Variants in PCDHGA1 observed in about 807,000 individuals in gnomAD.
The protein encoded by PCDHGA1 is protocadherin gamma subfamily A, 1, also known as protocadherin gamma-A1.
In PCDHGA1, 32 loss-of-function variants were observed where a neutral mutation model predicts 58.0. That is an observed-to-expected ratio of 0.55 (90% CI 0.42 to 0.74). The LOEUF (loss-of-function observed/expected upper bound fraction) is 0.74. Ranked by LOEUF, PCDHGA1 falls within the 30% of genes least tolerant of loss-of-function variation. The probability of loss-of-function intolerance (pLI) is 0.00; values close to 1 mark genes in which losing one functional copy is unlikely to be tolerated. For synonymous variants in PCDHGA1, 498 were observed against 501.1 expected (o/e 0.99, Z 0.08); for missense variants, 1,205 against 1,182.3 (o/e 1.02, Z -0.28).
chr5:141,476,725 C>G lies in PCDHGA1; in HGVS notation c.2422-18082C>G. On this transcript the variant is annotated intron_variant, in intron 1 of 3. Coordinates refer to ENST00000517417, the MANE Select transcript of PCDHGA1 (RefSeq NM_018912.3). This position sits in a 1 kb window ranked among gnomAD's most constrained non-coding sequence, Gnocchi z 7.6. ...AGCTGGTGTTGGAGCGCGCCCTGGA[C>G]CGAGAACGGGAGCCTAGTCTCCAGT... The G allele has an allele frequency of 6.2e-7, 1 of 1,614,132 alleles. No homozygotes were observed. Among genetic ancestry groups the G allele is most frequent in the Non-Finnish European group, 8.5e-7 (1 of 1,180,038 alleles).
chr5:141,369,156 A>C lies in PCDHGA1; in HGVS notation c.2421+36051A>C, dbSNP rs534244995. ...CATGGAAAATGGCATGTTATTGACC[A>C]GGGAAAAGTGTAAATAACAAAAAGT... On this transcript the variant is annotated intron_variant, in intron 1 of 3. Coordinates refer to ENST00000517417, the MANE Select transcript of PCDHGA1 (RefSeq NM_018912.3). Among the ~76,000 whole-genome samples the C allele has an allele frequency of 1.4e-3, 215 of 152,354 alleles. 2 individuals carry two copies. Among genetic ancestry groups the C allele is most frequent in the Non-Finnish European group, 4.6e-4 (31 of 68,032 alleles).
rs1229317913 is a variant in PCDHGA1 at position 141,489,752 on chromosome 5, C to T, written c.2422-5055C>T. ...GGCACCAATACTGTGAGCTTTTACACTCTAAGCCCCAACAGCCACTTCTCT... is the reference window on the plus strand; with the variant it reads ...GGCACCAATACTGTGAGCTTTTACATTCTAAGCCCCAACAGCCACTTCTCT... On this transcript the variant is annotated intron_variant, in intron 1 of 3. Transcript: ENST00000517417. The surrounding 1 kb of genome is among the most constrained non-coding windows in gnomAD (Gnocchi z 4.5). 1.2e-6 allele frequency: 2 copies of T among 1,614,018 alleles called. No individual in the cohort carries two copies. Among genetic ancestry groups the T allele is most frequent in the Non-Finnish European group, 1.7e-6 (2 of 1,179,980 alleles).
intron 1 of PCDHGA1, chr5:141,350,286 T>G: frequency 6.6e-7 from 1 of 1,510,806 alleles, no homozygotes; most frequent in Non-Finnish European, 8.8e-7. Flanking sequence ...GAAGCCGAAA[T>G]GATGAAAAGT....
At chr5:141,425,248 G>GGCTGGGAAA (rs2096864506) in intron 1 of PCDHGA1, among the ~76,000 whole-genome samples, 1 of 152,178 alleles carries the variant, frequency 6.6e-6, no homozygotes, top group Non-Finnish European at 1.5e-5. Context: ...AAAAGGATAT[G>GGCTGGGAAA]AGGTATTTGG....
intron 1 of PCDHGA1, chr5:141,366,221 G>A (rs774963460): frequency 2.5e-6 from 4 of 1,613,834 alleles, no homozygotes; most frequent in Non-Finnish European, 3.4e-6. Flanking sequence ...CACAGCGCGA[G>A]CCCTGCTGGA....
At chr5:141,417,897 C>T (rs2096182334) in intron 1 of PCDHGA1, 1 of 1,578,084 alleles carries the variant, frequency 6.3e-7, no homozygotes, top group African/African-American at 1.4e-5. Context: ...CGGGCCGGCC[C>T]GCGGCAGGTA....
Position 141,337,712 on chromosome 5 carries a change from C to A in PCDHGA1, c.2421+4607C>A, listed in dbSNP as rs147033964. 4.0e-3 allele frequency among the ~76,000 whole-genome samples: 610 copies of A among 152,166 alleles called. 5 individuals are homozygous for A. Among genetic ancestry groups the A allele is most frequent in the Admixed American group, 0.011 (169 of 15,286 alleles). On this transcript the variant is annotated intron_variant, in intron 1 of 3. Coordinates refer to ENST00000517417, the MANE Select transcript of PCDHGA1 (RefSeq NM_018912.3). ...GAAGTGGATGGTGGTAATGGTCACA[C>A]CAGAATGTAATTTGAATGTACTTAA...
At chr5:141,399,511 C>A (rs1252813422) in intron 1 of PCDHGA1, 1 of 1,613,924 alleles carries the variant, frequency 6.2e-7, no homozygotes, top group African/African-American at 1.3e-5. Flanking sequence ...CGAAAACAAC[C>A]CTCCTGGGGC....
intron 1 of PCDHGA1, among the ~76,000 whole-genome samples, chr5:141,494,496 T>A (rs147870810): frequency 2.9e-3 from 442 of 152,264 alleles, no homozygotes; most frequent in Non-Finnish European, 4.9e-3. Flanking sequence ...ATGCCTTCAG[T>A]CCTTGAATTT....
At chr5:141,404,524 G>C (rs368795324) in intron 1 of PCDHGA1, 3 of 1,613,938 alleles carry the variant, frequency 1.9e-6, no homozygotes, top group Non-Finnish European at 2.5e-6. Context: ...ACTATGAGCA[G>C]TTTAGAGATT....
chr5:141,485,093 T>C lies in PCDHGA1; in HGVS notation c.2422-9714T>C. 1 of 1,076,296 alleles carries C rather than the reference T, an allele frequency of 9.3e-7. No homozygotes were observed. Among genetic ancestry groups the C allele is most frequent in the Non-Finnish European group, 1.4e-6 (1 of 718,118 alleles). 66.7% of individuals were successfully genotyped at this position (1,076,296 alleles called of 1,614,324 possible). ...TGGCGCGGGGAAAGGGAGATAGGTG[T>C]CTCCAGCTGCTGTGGCTGTTTGGGG... On this transcript the variant is annotated intron_variant, in intron 1 of 3. Coordinates refer to ENST00000517417, the MANE Select transcript of PCDHGA1 (RefSeq NM_018912.3). The surrounding 1 kb of genome is among the most constrained non-coding windows in gnomAD (Gnocchi z 5.7).
At chr5:141,470,236 T>C (rs1232874196) in intron 1 of PCDHGA1, among the ~76,000 whole-genome samples, 1 of 152,210 alleles carries the variant, frequency 6.6e-6, no homozygotes, top group African/African-American at 2.4e-5. Context: ...ACCAAACCCT[T>C]GAATGTCCCA....
Position 141,431,915 on chromosome 5 carries a change from A to G in PCDHGA1, c.2422-62892A>G. 1 of 1,614,040 alleles carries G rather than the reference A, an allele frequency of 6.2e-7. No homozygotes were observed. The highest frequency in any genetic ancestry group is 8.5e-7 in the Non-Finnish European group (1 of 1,179,854). On this transcript the variant is annotated intron_variant, in intron 1 of 3. Coordinates refer to ENST00000517417, the MANE Select transcript of PCDHGA1 (RefSeq NM_018912.3). The surrounding 1 kb of genome is among the most constrained non-coding windows in gnomAD (Gnocchi z 4.8). ...GGAAAACGGACAGGTGATCTGTTTC[A>G]TCCAAGGAAATCTGCCCTTTAAATT...
In PCDHGA1 at chr5:141,493,755, A is replaced by C. The variant is rs1364524112; in HGVS notation, c.2422-1052A>C. Among the ~76,000 whole-genome samples, 1 of 152,148 alleles carries C rather than the reference A, an allele frequency of 6.6e-6. No homozygotes were observed. The highest frequency in any genetic ancestry group is 2.4e-5 in the African/African-American group (1 of 41,440). On this transcript the variant is annotated intron_variant, in intron 1 of 3. Coordinates refer to ENST00000517417, the MANE Select transcript of PCDHGA1 (RefSeq NM_018912.3). The surrounding 1 kb of genome is among the most constrained non-coding windows in gnomAD (Gnocchi z 4.3). ...ATATCACTGCCACCTGTGAGCCTTG[A>C]GTGAGCCACTGGCAGTTCCGGAGCT...
At chr5:141,427,856 C>T (rs1487451079) in intron 1 of PCDHGA1, 6 of 1,553,060 alleles carry the variant, frequency 3.9e-6, no homozygotes, top group Non-Finnish European at 5.3e-6. Flanking sequence ...AGCAGCTGTG[C>T]GCCTTCGAGC....
At position 141,390,471 on chromosome 5, in the gene PCDHGA1, G is replaced by C. The variant is rs969771801; in HGVS notation, c.2421+57366G>C. The C allele has an allele frequency of 7.2e-6, 5 of 697,624 alleles. No homozygotes were observed. The African/African-American group carries it at 9.0e-5, about 13-fold the overall frequency. The allele number at this position is 697,624 out of a possible 1,614,324, so 43.2% of individuals were successfully genotyped here. On this transcript the variant is annotated intron_variant, in intron 1 of 3. Coordinates refer to ENST00000517417, the MANE Select transcript of PCDHGA1 (RefSeq NM_018912.3). ...GGAGTAAAGTAGGAGCAATTGTGTG[G>C]CCCAACATTTGTTTGTTTTTTAGCC... is the stretch of plus-strand genomic sequence containing the variant.
intron 1 of PCDHGA1, chr5:141,399,534 A>G (rs772655467): frequency 3.7e-6 from 6 of 1,614,030 alleles, no homozygotes; most frequent in Middle Eastern, 1.6e-4. Flanking sequence ...CCATCGCGCA[A>G]GTCTGCGCCT....
chr5:141,371,913 G>C, intron 1 of PCDHGA1: 1 of 1,613,394 alleles, frequency 6.2e-7, no homozygotes, highest in African/African-American at 1.3e-5. Context: ...CTACGTGTCC[G>C]TGAGCGCGCG....
intron 1 of PCDHGA1, among the ~76,000 whole-genome samples, chr5:141,494,100 G>T (rs559145191): frequency 6.6e-6 from 1 of 152,152 alleles, no homozygotes; most frequent in Non-Finnish European, 1.5e-5. Flanking sequence ...ATTTTTCTCC[G>T]TCTCAGACAG....
Sources: allele counts gnomAD v4.1 joint callset (sites outside exome capture counted in the v4.1 genomes callset), GRCh38; gene constraint gnomAD v4.1.1; non-coding constraint Gnocchi (gnomAD v3.1); transcripts MANE v1.5; gene names NCBI Gene and HGNC (gene_info 2026-07-23, HGNC 2026-07-21).